Variants in CENPI observed in about 807,000 individuals in gnomAD.
The protein encoded by CENPI is centromere protein I, also known as FSH primary response 1.
CENPI carries 4 observed loss-of-function variants against 60.4 expected under a neutral mutation model. The observed-to-expected ratio is 0.07, with a 90% CI of 0.03 to 0.15. The LOEUF (loss-of-function observed/expected upper bound fraction) is 0.15. Among genes scored for constraint, CENPI ranks in the 10% least tolerant of loss-of-function variants. The pLI is 1.00. For synonymous variants in CENPI, 157 were observed against 189.4 expected (o/e 0.83, Z 1.40); for missense variants, 444 against 534.5 (o/e 0.83, Z 1.67).
chrX:101,168,208 A>G (rs752556299), downstream of CENPI, among the ~76,000 whole-genome samples: 1 of 112,798 alleles, frequency 8.9e-6, no homozygotes, highest in South Asian at 3.7e-4. Flanking sequence ...ATGTGAGACA[A>G]ACTTATAAAC....
chrX:101,106,209 T>C (rs2148136411), intron 4 of CENPI, among the ~76,000 whole-genome samples: 1 of 111,689 alleles, frequency 9.0e-6, no homozygotes, highest in East Asian at 2.8e-4. Flanking sequence ...AGTTAGTGGA[T>C]GGGAGTGAGA....
At chrX:101,107,207 A>G (rs973239697) in intron 4 of CENPI, among the ~76,000 whole-genome samples, 10 of 110,311 alleles carry the variant, frequency 9.1e-5, no homozygotes, top group Admixed American at 7.8e-4. Flanking sequence ...GAACAAATAC[A>G]TTCTTAAATG....
At chrX:101,113,404 C>T (rs1315707778) in intron 6 of CENPI, among the ~76,000 whole-genome samples, 5 of 107,814 alleles carry the variant, frequency 4.6e-5, no homozygotes, top group East Asian at 5.9e-4. Context: ...CTTGGCTTAC[C>T]GCAGCCTCTG....
At chrX:101,102,589 A>T (rs1217119030) in intron 4 of CENPI, among the ~76,000 whole-genome samples, 178 bp downstream of exon 4, 1 of 109,140 alleles carries the variant, frequency 9.2e-6, no homozygotes, top group African/African-American at 3.3e-5. Flanking sequence ...TCGAACTCCT[A>T]GACTCAAGTG....
At chrX:101,132,864 A>T (rs1326626734) in intron 15 of CENPI, among the ~76,000 whole-genome samples, 1 of 111,032 alleles carries the variant, frequency 9.0e-6, no homozygotes, top group Non-Finnish European at 1.9e-5. Context: ...AGCAAACAAA[A>T]CTCCCTGTGA....
rs1276918349 is a variant in CENPI at position 101,165,304 on chromosome X, A to G, written c.*2337A>G. On this transcript the variant is annotated 3_prime_UTR_variant, in exon 22 of 22. Transcript: ENST00000682095. ...AAGCAGAGACTGGTTAGGTTATTAT[A>G]GTGTCCTAGGTAACAGTTTTGGACA... is the stretch of plus-strand genomic sequence containing the variant. Among the ~76,000 whole-genome samples, 1 of 112,038 alleles carries G rather than the reference A, an allele frequency of 8.9e-6. No individual in the cohort carries two copies. Among genetic ancestry groups the G allele is most frequent in the Non-Finnish European group, 1.9e-5 (1 of 53,193 alleles).
At chrX:101,125,021 A>G (rs2089720611) in intron 8 of CENPI, among the ~76,000 whole-genome samples, 1 of 111,564 alleles carries the variant, frequency 9.0e-6, no homozygotes, top group Non-Finnish European at 1.9e-5. Context: ...TGTGCCTGGT[A>G]TCCGAGTCCA....
chrX:101,136,798 G>T (rs925299025), intron 15 of CENPI, among the ~76,000 whole-genome samples: 4 of 112,026 alleles, frequency 3.6e-5, no homozygotes, highest in African/African-American at 9.7e-5. Context: ...TAAAAAATCA[G>T]AATACGTAAT....
At position 101,098,249 on chromosome X, in the gene CENPI, G is replaced by C. The variant is rs888566127; in HGVS notation, c.-110+1G>C. The C allele has an allele frequency of 2.6e-5, 3 of 113,226 alleles. No individual in the cohort carries two copies. The highest frequency in any genetic ancestry group is 9.6e-5 in the African/African-American group (3 of 31,142). 9.3% of individuals were successfully genotyped at this position (113,226 alleles called of 1,213,427 possible). On this transcript the variant is annotated splice_donor_variant, in intron 1 of 21. Transcript: ENST00000682095. LOFTEE classifies it low-confidence loss of function (5UTR_SPLICE). ...TGCGGCTGCAGGTAGAGTGTCTTAG[G>C]TGAGGAGGTACTTTTAAGCACCGCG... is the stretch of plus-strand genomic sequence containing the variant.
intron 9 of CENPI, 34 bp downstream of exon 9, chrX:101,126,832 A>G (rs1569500743): frequency 9.5e-7 from 1 of 1,056,466 alleles, no homozygotes; most frequent in Non-Finnish European, 1.3e-6. Flanking sequence ...TCATATTAAG[A>G]TTGAAATATG....
chrX:101,133,906 G>A (rs565076049), intron 15 of CENPI, among the ~76,000 whole-genome samples: 73 of 111,747 alleles, frequency 6.5e-4, no homozygotes, highest in African/African-American at 2.2e-3. Context: ...AGGGGAGGTA[G>A]AAGTCAGATT....
chrX:101,168,160 C>T (rs1197722362), downstream of CENPI, among the ~76,000 whole-genome samples: 2 of 112,916 alleles, frequency 1.8e-5, no homozygotes, highest in African/African-American at 6.4e-5. Flanking sequence ...TCAGAAGCAA[C>T]TGAAGAAGGA....
In CENPI at chrX:101,114,077, C is replaced by T. The variant is rs188537798; in HGVS notation, c.591+4079C>T. Among the ~76,000 whole-genome samples, 550 of 111,596 alleles carry T rather than the reference C, an allele frequency of 4.9e-3. 5 individuals are homozygous for T. Among genetic ancestry groups the T allele is most frequent in the African/African-American group, 0.016 (502 of 30,707 alleles). On this transcript the variant is annotated intron_variant, in intron 6 of 21. Coordinates refer to ENST00000682095, the MANE Select transcript of CENPI (RefSeq NM_001386188.2). The stretch of plus-strand genomic sequence containing the variant: ...TTTGAGAACAGCCTGGCCAACATGG[C>T]GAAACCCCATCTCTACTAAAAATAC...
chrX:101,116,569 T>C (rs1184091115), intron 6 of CENPI, among the ~76,000 whole-genome samples: 1 of 111,909 alleles, frequency 8.9e-6, no homozygotes, highest in Non-Finnish European at 1.9e-5. Context: ...ATTTTGTTTA[T>C]CCATTCATCT....
rs750611606 is a variant in CENPI, at chrX:101,127,982, G to A, written c.1074+317G>A. ...GGAGGCCGAGGTGGGCGGATCACTTGAGGTCAGGAGTTCAAGACCAGCCTG... is the reference window on the plus strand; with the variant it reads ...GGAGGCCGAGGTGGGCGGATCACTTAAGGTCAGGAGTTCAAGACCAGCCTG... On this transcript the variant is annotated intron_variant, in intron 11 of 21. Coordinates refer to ENST00000682095, the MANE Select transcript of CENPI (RefSeq NM_001386188.2). 1.2e-3 allele frequency among the ~76,000 whole-genome samples: 135 copies of A among 111,422 alleles called. 1 individual carries two copies. The highest frequency in any genetic ancestry group is 4.2e-3 in the African/African-American group (128 of 30,727).
chrX:101,170,447 G>A (rs946377285), downstream of CENPI, among the ~76,000 whole-genome samples: 1 of 111,542 alleles, frequency 9.0e-6, no homozygotes, highest in African/African-American at 3.3e-5. Context: ...GACAAACTGG[G>A]ACTTATCCCA....
intron 6 of CENPI, among the ~76,000 whole-genome samples, chrX:101,118,597 C>T (rs992879235): frequency 1.8e-5 from 2 of 112,208 alleles, no homozygotes; most frequent in Admixed American, 1.9e-4. Context: ...ATGGCAAAAA[C>T]TGCAATTACT....
intron 10 of CENPI, 89 bp from the exon 11 acceptor site, chrX:101,127,409 T>G (rs1481766130): frequency 2.0e-5 from 19 of 963,143 alleles, no homozygotes; most frequent in Non-Finnish European, 2.7e-5. Context: ...TCAGATTCCT[T>G]TAATTGAAAC....
intron 15 of CENPI, among the ~76,000 whole-genome samples, chrX:101,137,916 A>G (rs2089863097): frequency 1.3e-5 from 1 of 78,235 alleles, no homozygotes; most frequent in South Asian, 7.2e-4. Context: ...TCTATTCAGG[A>G]TATTTATGTA....
Sources: allele counts gnomAD v4.1 joint callset (sites outside exome capture counted in the v4.1 genomes callset), GRCh38; gene constraint gnomAD v4.1.1; transcripts MANE v1.5; gene names NCBI Gene and HGNC (gene_info 2026-07-23, HGNC 2026-07-21).